The following INTS1 variants were observed in gnomAD, a reference collection of about 807,000 sequenced individuals.
The protein encoded by INTS1 is integrator complex subunit 1.
Under a neutral mutation model 241.6 loss-of-function variants are expected in INTS1, and 137 were observed. That is an observed-to-expected ratio of 0.57 (90% CI 0.49 to 0.65). The LOEUF (loss-of-function observed/expected upper bound fraction) is 0.65, where lower values mean the gene tolerates loss of function less well. Among genes scored for constraint, INTS1 ranks in the 30% least tolerant of loss-of-function variants. INTS1 has a pLI of 0.00. For synonymous variants in INTS1, 1,692 were observed against 1,337.8 expected (o/e 1.26, Z -5.78); for missense variants, 3,073 against 3,032.2 (o/e 1.01, Z -0.32).
intron 16 of INTS1, among the ~76,000 whole-genome samples, chr7:1,491,752 G>A (rs1782557992): frequency 6.6e-6 from 1 of 152,170 alleles, no homozygotes; most frequent in Non-Finnish European, 1.5e-5. Context: ...ACTAAAATTA[G>A]CTGGGCATGG....
At chr7:1,474,040 G>T in intron 41 of INTS1, 128 bp downstream of exon 41, 2 of 1,106,088 alleles carry the variant, frequency 1.8e-6, no homozygotes, top group Non-Finnish European at 2.5e-6. Context: ...TGGTCCCCAG[G>T]GCAGGTGGCC....
chr7:1,474,152 CG>C lies in INTS1; in HGVS notation c.5829+15del. 6.5e-7 allele frequency: 1 copy of C among 1,541,280 alleles called. No homozygotes were observed. The highest frequency in any genetic ancestry group is 8.7e-7 in the Non-Finnish European group (1 of 1,146,914). On this transcript the variant is annotated intron_variant, in intron 41 of 47. Coordinates refer to ENST00000404767, the MANE Select transcript of INTS1 (RefSeq NM_001080453.3). ...GAGTGGAAGGGAGCGCGAGGGCGGG[CG>C]GCGGGAGCACACACCAGCAGCAGGC...
intron 14 of INTS1, chr7:1,494,404 A>G: frequency 7.6e-6 from 2 of 262,522 alleles, no homozygotes; most frequent in South Asian, 5.0e-5. Context: ...CCACGGGGTC[A>G]CCCATGGGGC....
rs1444346884 is a variant in INTS1, at chr7:1,493,462, G to A, written c.2068+292C>T. On this transcript the variant is annotated intron_variant, in intron 15 of 47. Transcript: ENST00000404767. The surrounding 1 kb of genome is among the most constrained non-coding windows in gnomAD (Gnocchi z 5.3). ...TCATTCTACCTGTCGCCTAAAGGAG[G>A]TGACAGACAGGAAATCTGGCCGTGG... Among the ~76,000 whole-genome samples, 7 of 152,180 alleles carry A rather than the reference G, an allele frequency of 4.6e-5. No homozygotes were observed. Among genetic ancestry groups the A allele is most frequent in the African/African-American group, 1.7e-4 (7 of 41,434 alleles).
In INTS1 at chr7:1,476,031, A is replaced by T; in HGVS notation, c.5419T>A (p.Tyr1807Asn). 6.5e-7 allele frequency: 1 copy of T among 1,545,876 alleles called. No homozygotes were observed. Among genetic ancestry groups the T allele is most frequent in the Non-Finnish European group, 8.7e-7 (1 of 1,146,598 alleles). The part of the protein sequence containing the change: ...RRCRDLLLQL[Y>N]LQRPELRVPV... Reference sequence around the variant, plus strand: ...ACCCGCAGCTCCGGCCGCTGTAGGTAGAGCTGCAGGAGAAGGTCTCGGCAG... The same window carrying T: ...ACCCGCAGCTCCGGCCGCTGTAGGTTGAGCTGCAGGAGAAGGTCTCGGCAG... The change falls in exon 39 of 48, where the codon TAC becomes AAC. Residue 1807 changes from tyrosine to asparagine, a missense_variant. Tyr to Asn is a moderately radical substitution (Grantham distance 143). Coordinates refer to ENST00000404767, the MANE Select transcript of INTS1 (RefSeq NM_001080453.3).
chr7:1,502,914 C>T lies in INTS1; in HGVS notation c.336G>A (p.Val112=). ...CAGACTCATTACCTTCAATTGGCAC[C>T]ACAGATGGCTCTTTAATCGACGGAG... ...AISPSIKEPS[V]VPIEVLPTVL... is the part of the protein sequence containing the mutation. Residue 112 remains valine (V), a synonymous_variant, in exon 3 of 48, where the codon GTG becomes GTA. Transcript: ENST00000404767. 2.5e-6 allele frequency: 4 copies of T among 1,613,866 alleles called. No homozygotes were observed. Among genetic ancestry groups the T allele is most frequent in the Non-Finnish European group, 3.4e-6 (4 of 1,179,874 alleles).
chr7:1,489,461 C>A (rs1449521840), intron 17 of INTS1, 57 bp from the exon 18 acceptor site: 2 of 1,539,654 alleles, frequency 1.3e-6, no homozygotes, highest in Non-Finnish European at 1.8e-6. Context: ...AGGCGTGTGA[C>A]CCCCGCTTCT....
intron 5 of INTS1, 114 bp downstream of exon 5, chr7:1,499,770 C>T: frequency 6.8e-7 from 1 of 1,474,234 alleles, no homozygotes; most frequent in South Asian, 1.3e-5. Context: ...GTGCCATCAC[C>T]ACCAGGGCTG....
intron 24 of INTS1, among the ~76,000 whole-genome samples, 155 bp downstream of exon 24, chr7:1,484,943 A>G (rs1287035553): frequency 1.1e-4 from 10 of 93,920 alleles, no homozygotes; most frequent in African/African-American, 1.8e-4. Flanking sequence ...CTCTGTGCTG[A>G]CCCCGTCCCC....
Position 1,473,090 on chromosome 7 carries a change from G to A in INTS1, c.6052C>T (p.Leu2018=), listed in dbSNP as rs375287178. 3.1e-6 allele frequency: 5 copies of A among 1,609,032 alleles called. No homozygotes were observed. The East Asian group carries it at 6.7e-5, about 22-fold the overall frequency. The change falls in exon 43 of 48, where the codon CTG becomes TTG. Residue 2018 remains leucine, a synonymous_variant. Coordinates refer to ENST00000404767, the MANE Select transcript of INTS1 (RefSeq NM_001080453.3). ...CACTCACCCTCGCCCTCTTCGTCCA[G>A]GCCTCGGTCGGTCCTGTCGTCCCTG... ...PSRDDRTDRG[L]DEEGEEESSA...
chr7:1,493,938 G>T lies in INTS1; in HGVS notation c.1911-27C>A, dbSNP rs1457856878. ...TGCGGGGTGGGGGAGGCATGACTCG[G>T]TGTGGGCTGCCCACACCTGCCAGAC... is the stretch of plus-strand genomic sequence containing the variant. On this transcript the variant is annotated intron_variant, in intron 14 of 47. Transcript: ENST00000404767. The surrounding 1 kb of genome is among the most constrained non-coding windows in gnomAD (Gnocchi z 5.3). 1 of 1,544,742 alleles carries T rather than the reference G, an allele frequency of 6.5e-7. No homozygotes were observed. Among genetic ancestry groups the T allele is most frequent in the Non-Finnish European group, 8.8e-7 (1 of 1,142,614 alleles).
At position 1,493,015 on chromosome 7, in the gene INTS1, T is replaced by G; in HGVS notation, c.2160A>C (p.Pro720=). Residue 720 remains proline (P), a synonymous_variant, in exon 16 of 48, where the codon CCA becomes CCC. Coordinates refer to ENST00000404767, the MANE Select transcript of INTS1 (RefSeq NM_001080453.3). This position sits in a 1 kb window ranked among gnomAD's most constrained non-coding sequence, Gnocchi z 5.3. ...TYHHPENIQL[P]PGYQPPNLAI... is the part of the protein sequence containing the mutation. The stretch of plus-strand genomic sequence containing the variant: ...GGAGCGGGGCGTGGGCTTACCCCGG[T>G]GGGAGCTGGATGTTTTCAGGGTGAT... 6.2e-7 allele frequency: 1 copy of G among 1,610,738 alleles called. No homozygotes were observed. The highest frequency in any genetic ancestry group is 8.5e-7 in the Non-Finnish European group (1 of 1,178,228).
chr7:1,485,977 T>G (rs994958535), intron 22 of INTS1, among the ~76,000 whole-genome samples: 3 of 152,160 alleles, frequency 2.0e-5, no homozygotes, highest in African/African-American at 7.2e-5. Flanking sequence ...TCATCTTTTA[T>G]TTTTTGTAGA....
chr7:1,492,172 CCA>C (rs1470577894), intron 16 of INTS1, among the ~76,000 whole-genome samples: 2 of 152,196 alleles, frequency 1.3e-5, no homozygotes, highest in Non-Finnish European at 1.5e-5. Flanking sequence ...ACAGATTTGT[CCA>C]CACACGCTCA....
intron 10 of INTS1, 120 bp downstream of exon 10, chr7:1,498,292 C>T (rs1054243347): frequency 8.3e-6 from 12 of 1,452,266 alleles, no homozygotes; most frequent in South Asian, 3.8e-5. Context: ...TTCCCGAGAC[C>T]GAGGAGCATT....
chr7:1,497,046 G>T lies in INTS1; in HGVS notation c.1602+92C>A. ...CCACGCTCAGCCAGAGCATCCGAAG[G>T]GGTGGAGTGTGCATGGGACCCAGGA... On this transcript the variant is annotated intron_variant, in intron 11 of 47. Transcript: ENST00000404767. The surrounding 1 kb of genome is among the most constrained non-coding windows in gnomAD (Gnocchi z 5.3). 7.8e-7 allele frequency: 1 copy of T among 1,279,888 alleles called. No homozygotes were observed. The highest frequency in any genetic ancestry group is 2.5e-5 in the Admixed American group (1 of 39,908). The allele number at this position is 1,279,888 out of a possible 1,614,324, so 79.3% of individuals were successfully genotyped here. A position where few individuals can be genotyped will look rare whatever the true frequency, so the allele number is the denominator to read the frequency against.
intron 5 of INTS1, 125 bp downstream of exon 5, chr7:1,499,759 C>A: frequency 6.8e-7 from 1 of 1,462,006 alleles, no homozygotes; most frequent in Non-Finnish European, 9.2e-7. Flanking sequence ...CAGCAGGGAC[C>A]GTGCCATCAC....
chr7:1,480,842 G>A lies in INTS1; in HGVS notation c.3942C>T (p.Pro1314=), dbSNP rs780586709. ...CCCACCCCTCCCCAGTACCTCGGCGGGGCGGCAGGGAGGCTGTGAGCAAGG... is the reference window on the plus strand; with the variant it reads ...CCCACCCCTCCCCAGTACCTCGGCGAGGCGGCAGGGAGGCTGTGAGCAAGG... ...FHSLLTASLP[P]RRDSTEAPKP... is the part of the protein sequence containing the mutation. Residue 1314 remains proline (P), a synonymous_variant, in exon 29 of 48, where the codon CCC becomes CCT. Transcript: ENST00000404767. The A allele has an allele frequency of 1.2e-5, 19 of 1,551,758 alleles. No homozygotes were observed. The South Asian group carries it at 1.5e-4, about 13-fold the overall frequency.
rs1176700619 is a variant in INTS1, at chr7:1,497,423, C to T, written c.1426-109G>A. 4 of 1,209,782 alleles carry T rather than the reference C, an allele frequency of 3.3e-6. No homozygotes were observed. Among genetic ancestry groups the T allele is most frequent in the African/African-American group, 3.0e-5 (2 of 65,658 alleles). 74.9% of individuals were successfully genotyped at this position (1,209,782 alleles called of 1,614,324 possible). ...GGCGCCCGAGGGCGCTGCAGTGGGT[C>T]TCAGACAGTGTGGGGTGCGGGGTGG... is the stretch of plus-strand genomic sequence containing the variant. On this transcript the variant is annotated intron_variant, in intron 10 of 47. Transcript: ENST00000404767. This position sits in a 1 kb window ranked among gnomAD's most constrained non-coding sequence, Gnocchi z 5.3.
Sources: gnomAD v4.1 joint callset for allele counts (sites outside exome capture counted in the v4.1 genomes callset) on GRCh38, gnomAD v4.1.1 for gene constraint, Gnocchi (gnomAD v3.1) non-coding constraint, MANE v1.5 for transcripts, NCBI Gene and HGNC (gene_info 2026-07-23, HGNC 2026-07-21) for gene names.